Variants in MOCOS observed in about 807,000 individuals in gnomAD.
MOCOS encodes the protein human molybdenum cofactor sulfurase.
Under a neutral mutation model 83.6 loss-of-function variants are expected in MOCOS, and 86 were observed. That is an observed-to-expected ratio of 1.03 (90% CI 0.86 to 1.23). The LOEUF is 1.23. Ranked by LOEUF, MOCOS falls within the 50% of genes most tolerant of loss-of-function variation. The pLI, the probability that MOCOS is intolerant of heterozygous loss-of-function variation, is 0.00. For missense variants in MOCOS, 1,120 were observed against 1,126.9 expected (o/e 0.99, Z 0.09); for synonymous variants, 445 against 434.7 (o/e 1.02, Z -0.29).
At chr18:36,220,295 T>TA (rs2091491351) in intron 9 of MOCOS, 78 bp downstream of exon 9, 1 of 1,561,240 alleles carries the variant, frequency 6.4e-7, no homozygotes, top group African/African-American at 1.4e-5. Context: ...CTACCAAGTG[T>TA]TAGAATAACC....
Position 36,187,586 on chromosome 18 carries a change from C to T in MOCOS, c.47C>T (p.Ala16Val), listed in dbSNP as rs748966814. 4.0e-6 allele frequency: 5 copies of T among 1,247,818 alleles called. No individual in the cohort carries two copies. The Admixed American group carries it at 2.0e-4, about 51-fold the overall frequency. The allele number at this position is 1,247,818 out of a possible 1,614,324, so 77.3% of individuals were successfully genotyped here. ...TCAGGGCGGGAGCTGTGGACCTTCG[C>T]GGGTTCCCGGGACCCGAGCGCACCG... ...AESGRELWTF[A>V]GSRDPSAPRL... Residue 16 changes from alanine (A) to valine (V), a missense_variant, in exon 1 of 15, where the codon GCG becomes GTG. By Grantham distance (64) the Ala-to-Val change is moderately conservative. Transcript: ENST00000261326.
chr18:36,246,133 G>T (rs1269550645), intron 9 of MOCOS, among the ~76,000 whole-genome samples: 1 of 152,176 alleles, frequency 6.6e-6, no homozygotes, highest in Non-Finnish European at 1.5e-5. Flanking sequence ...GCAATTCAGA[G>T]ATTTCCTCTT....
Position 36,198,711 on chromosome 18 carries a change from T to G in MOCOS, c.254T>G (p.Ile85Ser). Residue 85 changes from isoleucine (I) to serine (S), a missense_variant, in exon 3 of 15, where the codon ATC becomes AGC. Ile to Ser is a moderately radical substitution (Grantham distance 142, BLOSUM62 -2). Transcript: ENST00000261326. Reference sequence around the variant, plus strand: ...CCAGGTAATCCTCACAGCCAGAACATCAGCAGCAAGCTCACCCATGACACT... The same window carrying G: ...CCAGGTAATCCTCACAGCCAGAACAGCAGCAGCAAGCTCACCCATGACACT... ...NTYGNPHSQN[I>S]SSKLTHDTVE... 2 of 1,614,128 alleles carry G rather than the reference T, an allele frequency of 1.2e-6. No individual in the cohort carries two copies. Among genetic ancestry groups the G allele is most frequent in the Non-Finnish European group, 1.7e-6 (2 of 1,180,004 alleles).
chr18:36,192,657 T>C (rs2091370662), intron 1 of MOCOS, among the ~76,000 whole-genome samples: 1 of 152,194 alleles, frequency 6.6e-6, no homozygotes. Flanking sequence ...TCGTTTTATT[T>C]TATTTTTTGA....
intron 1 of MOCOS, among the ~76,000 whole-genome samples, chr18:36,191,763 CACACACAT>C (rs1351948042): frequency 3.4e-5 from 5 of 147,934 alleles, no homozygotes; most frequent in African/African-American, 7.6e-5. Flanking sequence ...CACACACACA[CACACACAT>C]GTGAGCCATA....
chr18:36,206,509 G>T (rs990263403), intron 6 of MOCOS, among the ~76,000 whole-genome samples: 2 of 151,968 alleles, frequency 1.3e-5, no homozygotes, highest in African/African-American at 4.8e-5. Context: ...GCCTCCCAAA[G>T]TGCCGGGATT....
At chr18:36,241,628 TGGG>T (rs2091583155) in intron 9 of MOCOS, among the ~76,000 whole-genome samples, 1 of 152,234 alleles carries the variant, frequency 6.6e-6, no homozygotes. Context: ...AGTGCCCCTG[TGGG>T]GACTCTGTGG....
chr18:36,192,864 G>C (rs1489580030), intron 1 of MOCOS, among the ~76,000 whole-genome samples: 1 of 152,044 alleles, frequency 6.6e-6, no homozygotes, highest in Non-Finnish European at 1.5e-5. Flanking sequence ...GGCCAGGCTG[G>C]TCTTGAACTC....
At chr18:36,199,577 A>G in intron 3 of MOCOS, 106 bp from the exon 4 acceptor site, 7 of 1,548,248 alleles carry the variant, frequency 4.5e-6, no homozygotes, top group South Asian at 2.2e-5. Flanking sequence ...AAACCTATCT[A>G]TCCATTAAGG....
chr18:36,230,208 G>A (rs1052561513), intron 9 of MOCOS, among the ~76,000 whole-genome samples: 3 of 152,106 alleles, frequency 2.0e-5, no homozygotes, highest in East Asian at 3.9e-4. Context: ...TCAGCCTCCC[G>A]AGTAGCTGGG....
rs2091472306 is a variant in MOCOS, at chr18:36,215,502, C to T, written c.1336-14C>T. On this transcript the variant is annotated splice_polypyrimidine_tract_variant and intron_variant, in intron 7 of 14. Transcript: ENST00000261326. The stretch of plus-strand genomic sequence containing the variant: ...AGGGGTCACTCTGGCTGATGCACTT[C>T]CCTCTTATCCTAGGCTGGTCATGTC... 1 of 1,611,950 alleles carries T rather than the reference C, an allele frequency of 6.2e-7. No individual in the cohort carries two copies. Among genetic ancestry groups the T allele is most frequent in the East Asian group, 2.2e-5 (1 of 44,862 alleles).
chr18:36,251,347 A>G, intron 11 of MOCOS, 64 bp downstream of exon 11: 2 of 1,588,778 alleles, frequency 1.3e-6, no homozygotes, highest in Non-Finnish European at 1.7e-6. Flanking sequence ...ACACATCAAA[A>G]CAGCCCATGA....
intron 5 of MOCOS, among the ~76,000 whole-genome samples, chr18:36,203,553 G>A (rs2144904853): frequency 6.6e-6 from 1 of 152,294 alleles, no homozygotes; most frequent in African/African-American, 2.4e-5. Context: ...CCCCACGGGG[G>A]AGCTCTGCCT....
chr18:36,220,305 C>T, intron 9 of MOCOS, 88 bp downstream of exon 9: 1 of 1,529,864 alleles, frequency 6.5e-7, no homozygotes, highest in African/African-American at 1.4e-5. Flanking sequence ...TTAGAATAAC[C>T]CATCAGCCTG....
At chr18:36,250,033 T>G (rs73946797) in intron 10 of MOCOS, among the ~76,000 whole-genome samples, 19 of 152,322 alleles carry the variant, frequency 1.2e-4, no homozygotes, top group African/African-American at 4.6e-4. Flanking sequence ...ATCAAATGTC[T>G]GCATCCCTTG....
intron 6 of MOCOS, among the ~76,000 whole-genome samples, chr18:36,210,081 G>T (rs994657661): frequency 1.3e-5 from 2 of 152,130 alleles, no homozygotes; most frequent in African/African-American, 4.8e-5. Flanking sequence ...GTTCATCATA[G>T]GTATTGGCCT....
In MOCOS at chr18:36,260,146, G is replaced by C. The variant is rs1251218290; in HGVS notation, c.2380G>C (p.Glu794Gln). Residue 794 changes from glutamate (E) to glutamine (Q), a missense_variant, in exon 13 of 15, where the codon GAG becomes CAG. Glu to Gln is a conservative substitution (Grantham distance 29, BLOSUM62 2). Transcript: ENST00000261326. The stretch of plus-strand genomic sequence containing the variant: ...GGCTTTTGAAGAAGAGAAATGGGAT[G>C]AGATTTCAATTGGCTCTTTGCGTTT... ...KRAFEEEKWD[E>Q]ISIGSLRFQV... is the part of the protein sequence containing the mutation. The C allele has an allele frequency of 6.2e-7, 1 of 1,614,200 alleles. No individual in the cohort carries two copies. Among genetic ancestry groups the C allele is most frequent in the Admixed American group, 1.7e-5 (1 of 60,026 alleles).
At chr18:36,216,796 A>G (rs1015137578) in intron 8 of MOCOS, among the ~76,000 whole-genome samples, 2 of 152,206 alleles carry the variant, frequency 1.3e-5, no homozygotes, top group Admixed American at 6.5e-5. Context: ...GAATTTTACA[A>G]TGGAGAAACC....
chr18:36,191,840 C>A (rs2091367688), intron 1 of MOCOS, among the ~76,000 whole-genome samples: 2 of 152,198 alleles, frequency 1.3e-5, no homozygotes, highest in Admixed American at 6.5e-5. Context: ...ATCATGCTAT[C>A]TTCTATTTTG....
Sources: gnomAD v4.1 joint callset for allele counts (sites outside exome capture counted in the v4.1 genomes callset) on GRCh38, gnomAD v4.1.1 for gene constraint, MANE v1.5 for transcripts, NCBI Gene and HGNC (gene_info 2026-07-23, HGNC 2026-07-21) for gene names.